Variants in SERPINB11 observed in about 807,000 individuals in gnomAD.
The protein encoded by SERPINB11 is serpin B11.
In SERPINB11, 32 loss-of-function variants were observed where a neutral mutation model predicts 36.7. The observed-to-expected ratio is 0.87, with a 90% CI of 0.66 to 1.17. The LOEUF (loss-of-function observed/expected upper bound fraction) is 1.17. Among genes scored for constraint, SERPINB11 ranks in the 50% most tolerant of loss-of-function variants. SERPINB11 has a pLI of 0.00. For synonymous variants in SERPINB11, 174 were observed against 168.1 expected (o/e 1.04, Z -0.27); for missense variants, 528 against 458.4 (o/e 1.15, Z -1.39).
rs1278679455 is a variant in SERPINB11, at chr18:63,720,814, C to A, written c.619-17C>A. 2 of 1,531,240 alleles carry A rather than the reference C, an allele frequency of 1.3e-6. No homozygotes were observed. The highest frequency in any genetic ancestry group is 8.8e-7 in the Non-Finnish European group (1 of 1,131,466). The allele number at this position is 1,531,240 out of a possible 1,614,324, so 94.9% of individuals were successfully genotyped here. On this transcript the variant is annotated splice_polypyrimidine_tract_variant and intron_variant, in intron 6 of 7. Coordinates refer to ENST00000544088, the MANE Select transcript of SERPINB11 (RefSeq NM_001370475.1). ...CTCACATATGTAAGTATACTATAATCTTTTTCTTCTTAACAGGGTAAAAAT... is the reference window on the plus strand; with the variant it reads ...CTCACATATGTAAGTATACTATAATATTTTTCTTCTTAACAGGGTAAAAAT...
rs772924120 is a variant in SERPINB11, at chr18:63,710,337, A to G, written c.144A>G (p.Gly48=). The part of the protein sequence containing the change: ...ALSMVLLGAR[G]ETEEQLEKVL... ...GCATGGTCCTCCTTGGTGCCAGGGG[A>G]GAGACTGAAGAGCAATTGGAGAAGG... Residue 48 remains glycine, a synonymous_variant, in exon 2 of 8, where the codon GGA becomes GGG. Transcript: ENST00000544088. 3 of 1,612,346 alleles carry G rather than the reference A, an allele frequency of 1.9e-6. No individual in the cohort carries two copies. The highest frequency in any genetic ancestry group is 2.5e-6 in the Non-Finnish European group (3 of 1,179,156).
At chr18:63,706,210 G>A (rs1466005736) in intron 1 of SERPINB11, among the ~76,000 whole-genome samples, 3 of 152,104 alleles carry the variant, frequency 2.0e-5, no homozygotes, top group Non-Finnish European at 1.5e-5. Flanking sequence ...TTGATTACAG[G>A]ATTTGTGAAT....
chr18:63,720,160 GT>G lies in SERPINB11; in HGVS notation c.618+6del. The G allele has an allele frequency of 1.9e-6, 3 of 1,594,964 alleles. No individual in the cohort carries two copies. The highest frequency in any genetic ancestry group is 2.6e-6 in the Non-Finnish European group (3 of 1,166,526). The stretch of plus-strand genomic sequence containing the variant: ...AGTCCTTTTCAGCTAAGTGAGGTAA[GT>G]ATTTTATTTTCAGACTCATGACAAA... On this transcript the variant is annotated splice_donor_region_variant and intron_variant, in intron 6 of 7. Coordinates refer to ENST00000544088, the MANE Select transcript of SERPINB11 (RefSeq NM_001370475.1).
At position 63,723,176 on chromosome 18, in the gene SERPINB11, G is replaced by T. The variant is rs1394557225; in HGVS notation, c.956G>T (p.Gly319Val). The T allele has an allele frequency of 6.2e-7, 1 of 1,612,942 alleles. No individual in the cohort carries two copies. Among genetic ancestry groups the T allele is most frequent in the Non-Finnish European group, 8.5e-7 (1 of 1,179,428 alleles). The change falls in exon 8 of 8, where the codon GGA (glycine) becomes GTA (valine). Residue 319 changes from glycine (G) to valine (V), a missense_variant. Coordinates refer to ENST00000544088, the MANE Select transcript of SERPINB11 (RefSeq NM_001370475.1). ...AACCAGGTCAAAGCTGATCTTTCTG[G>T]AATGTCACCAACCAAGGGCCTATAT... is the stretch of plus-strand genomic sequence containing the variant. ...LFNQVKADLSGMSPTKGLYLS... is the reference protein window; with the variant it reads ...LFNQVKADLSVMSPTKGLYLS...
intron 5 of SERPINB11, among the ~76,000 whole-genome samples, chr18:63,717,687 T>C (rs1268556146): frequency 6.6e-6 from 1 of 152,014 alleles, no homozygotes; most frequent in African/African-American, 2.4e-5. Flanking sequence ...GTAAGAATGG[T>C]TTGTCTGTTT....
intron 4 of SERPINB11, among the ~76,000 whole-genome samples, chr18:63,715,524 T>G (rs146834243): frequency 6.6e-6 from 1 of 152,326 alleles, no homozygotes; most frequent in Non-Finnish European, 1.5e-5. Flanking sequence ...TTGACAGAAA[T>G]GCCAACTATC....
At chr18:63,714,574 T>G (rs942219030) in intron 4 of SERPINB11, among the ~76,000 whole-genome samples, 1 of 152,146 alleles carries the variant, frequency 6.6e-6, no homozygotes, top group Admixed American at 6.5e-5. Context: ...GAACGCATTC[T>G]CTTTCTCAGG....
intron 1 of SERPINB11, among the ~76,000 whole-genome samples, chr18:63,709,616 T>TAAATAAAATA (rs10629688): frequency 0.023 from 3,264 of 143,490 alleles, 134 homozygotes; most frequent in African/African-American, 0.079. Flanking sequence ...GTCTCAAAAA[T>TAAATAAAATA]AAATAAAATA....
rs747837538 is a variant in SERPINB11 at position 63,723,391 on chromosome 18, T to G, written c.1171T>G (p.Ser391Ala). The change falls in exon 8 of 8, where the codon TCT becomes GCT. Residue 391 changes from serine (S) to alanine (A), a missense_variant. By Grantham distance (99) the Ser-to-Ala change is moderately conservative. Coordinates refer to ENST00000544088, the MANE Select transcript of SERPINB11 (RefSeq NM_001370475.1). ...GATCCTATTCTGTGGCAAGCTTGCC[T>G]CTCCCTAATCAGATGGGGTTGAGCA... ...NTILFCGKLA[S>A]P The G allele has an allele frequency of 6.3e-7, 1 of 1,599,998 alleles. No individual in the cohort carries two copies. The highest frequency in any genetic ancestry group is 8.5e-7 in the Non-Finnish European group (1 of 1,171,006).
rs556661041 is a variant in SERPINB11 at position 63,709,755 on chromosome 18, G to A, written c.-15-424G>A. Reference sequence around the variant, plus strand: ...TGTTCTCCTGTGACACTGCAAAAGCGGGTAGTCTAGTGGGAAAATATCTCG... The same window carrying A: ...TGTTCTCCTGTGACACTGCAAAAGCAGGTAGTCTAGTGGGAAAATATCTCG... On this transcript the variant is annotated intron_variant, in intron 1 of 7. Transcript: ENST00000544088. 3.3e-5 allele frequency among the ~76,000 whole-genome samples: 5 copies of A among 152,256 alleles called. No individual in the cohort carries two copies. In the South Asian group the frequency reaches 1.0e-3, roughly 32 times the overall value.
At chr18:63,719,745 A>G (rs1334657507) in intron 5 of SERPINB11, among the ~76,000 whole-genome samples, 1 of 152,130 alleles carries the variant, frequency 6.6e-6, no homozygotes, top group African/African-American at 2.4e-5. Context: ...CGATGTAACT[A>G]GGCATAAGAC....
chr18:63,722,944 T>C, intron 7 of SERPINB11, 51 bp from the exon 8 acceptor site: 3 of 1,470,952 alleles, frequency 2.0e-6, no homozygotes, highest in Non-Finnish European at 2.7e-6. Context: ...ATATTTAATG[T>C]AGAGGTCGTG....
At chr18:63,716,197 A>C in intron 5 of SERPINB11, 45 bp downstream of exon 5, 1 of 1,257,096 alleles carries the variant, frequency 8.0e-7, no homozygotes, top group Non-Finnish European at 1.1e-6. Flanking sequence ...TGTTGTGTTG[A>C]TAAGCAACCT....
In SERPINB11 at chr18:63,712,621, C is replaced by T. The variant is rs1379461936; in HGVS notation, c.285C>T (p.Asn95=). Residue 95 remains asparagine, a synonymous_variant, in exon 4 of 8, where the codon AAC becomes AAT. Transcript: ENST00000544088. ...SEFGVEFSQI[N]QPDSNCTLSI... is the part of the protein sequence containing the mutation. ...TTGGTGTCGAATTCTCTCAAATCAA[C>T]CAGCCAGACTCTAACTGTACCCTCA... 2.5e-6 allele frequency: 4 copies of T among 1,613,650 alleles called. No homozygotes were observed.
At chr18:63,719,429 A>G (rs539395645) in intron 5 of SERPINB11, among the ~76,000 whole-genome samples, 2 of 152,206 alleles carry the variant, frequency 1.3e-5, no homozygotes, top group African/African-American at 4.8e-5. Flanking sequence ...AAAAGGTTTT[A>G]TAAATTGCAA....
At chr18:63,711,422 T>C in intron 3 of SERPINB11, 28 bp downstream of exon 3, 1 of 1,511,482 alleles carries the variant, frequency 6.6e-7, no homozygotes, top group Non-Finnish European at 9.2e-7. Context: ...AGTTGTCAAA[T>C]GCTCTTTAAC....
intron 1 of SERPINB11, among the ~76,000 whole-genome samples, chr18:63,708,006 T>G (rs1432926575): frequency 6.6e-6 from 1 of 152,208 alleles, no homozygotes; most frequent in African/African-American, 2.4e-5. Flanking sequence ...ATGATTAAAC[T>G]GCTGGAATGA....
At chr18:63,706,040 A>G (rs1366391746) in intron 1 of SERPINB11, among the ~76,000 whole-genome samples, 1 of 152,146 alleles carries the variant, frequency 6.6e-6, no homozygotes, top group African/African-American at 2.4e-5. Flanking sequence ...GATGAGTAAA[A>G]CCCTTCTGTT....
intron 7 of SERPINB11, 61 bp from the exon 8 acceptor site, chr18:63,722,934 A>G (rs544397198): frequency 4.9e-6 from 7 of 1,430,588 alleles, no homozygotes; most frequent in East Asian, 2.4e-5. Context: ...AAAACATATG[A>G]TATTTAATGT....
Sources: gnomAD v4.1 joint callset for allele counts (sites outside exome capture counted in the v4.1 genomes callset) on GRCh38, gnomAD v4.1.1 for gene constraint, MANE v1.5 for transcripts, NCBI Gene and HGNC (gene_info 2026-07-23, HGNC 2026-07-21) for gene names.